The following PRDM5 variants were observed in gnomAD, a reference collection of about 807,000 sequenced individuals.
The protein encoded by PRDM5 is PR domain zinc finger protein 5.
Under a neutral mutation model 81.2 loss-of-function variants are expected in PRDM5, and 56 were observed. The ratio of observed to expected loss-of-function variants is 0.69; its 90% CI spans 0.56 to 0.86. The LOEUF (loss-of-function observed/expected upper bound fraction) is 0.86. Ranked by LOEUF, PRDM5 falls within the 40% of genes least tolerant of loss-of-function variation. The probability of loss-of-function intolerance (pLI) is 0.00; values close to 1 mark genes in which losing one functional copy is unlikely to be tolerated. For synonymous variants in PRDM5, 267 were observed against 256.4 expected, an observed-to-expected ratio of 1.04 and a Z score of -0.39; for missense variants, 697 against 770.1, an observed-to-expected ratio of 0.91 and a Z score of 1.12.
intron 14 of PRDM5, among the ~76,000 whole-genome samples, chr4:120,719,353 A>C (rs758566113): frequency 2.0e-5 from 3 of 152,226 alleles, no homozygotes; most frequent in Non-Finnish European, 4.4e-5. Flanking sequence ...ATTAAAAACG[A>C]ATTACTAGAA....
intron 2 of PRDM5, among the ~76,000 whole-genome samples, chr4:120,902,659 G>A (rs1765348191): frequency 6.6e-6 from 1 of 152,138 alleles, no homozygotes; most frequent in South Asian, 2.1e-4. Context: ...GAGTTCTTCT[G>A]CTTAAGCACT....
intron 3 of PRDM5, among the ~76,000 whole-genome samples, chr4:120,840,738 C>T (rs185620066): frequency 4.6e-5 from 7 of 152,330 alleles, no homozygotes; most frequent in African/African-American, 1.2e-4. Context: ...GCCTGACAGG[C>T]GACCCAGCCC....
intron 2 of PRDM5, among the ~76,000 whole-genome samples, chr4:120,864,334 T>C (rs1418403960): frequency 6.6e-6 from 1 of 152,230 alleles, no homozygotes; most frequent in Non-Finnish European, 1.5e-5. Context: ...ATAAAGTTGA[T>C]ATCTGATATC....
chr4:120,856,573 T>A (rs1339293870), intron 2 of PRDM5, among the ~76,000 whole-genome samples: 1 of 147,784 alleles, frequency 6.8e-6, no homozygotes, highest in African/African-American at 2.5e-5. Context: ...CTCACTACCC[T>A]AAACACAGAG....
chr4:120,685,266 A>G (rs1733788947), intron 1 of PRDM5, among the ~76,000 whole-genome samples: 1 of 152,092 alleles, frequency 6.6e-6, no homozygotes, highest in South Asian at 2.1e-4. Context: ...TTATAAAATC[A>G]AAGTTATTGA....
intron 14 of PRDM5, among the ~76,000 whole-genome samples, chr4:120,751,712 TG>T (rs1421824278): frequency 6.6e-6 from 1 of 152,206 alleles, no homozygotes; most frequent in African/African-American, 2.4e-5. Context: ...AATTGGATTT[TG>T]GCAAAATTAT....
At chr4:120,886,987 C>G (rs2148608367) in intron 2 of PRDM5, among the ~76,000 whole-genome samples, 1 of 151,256 alleles carries the variant, frequency 6.6e-6, no homozygotes. Context: ...ACTTTGTTGA[C>G]CAAGCTGGAG....
Position 120,694,138 on chromosome 4 carries a change from G to T in PRDM5, c.*973C>A, listed in dbSNP as rs898171638. ...GCAAAATGGAATGTTAATGTTCTGA[G>T]GACTGTATCTGCACTAACATGTTCT... On this transcript the variant is annotated 3_prime_UTR_variant, in exon 16 of 16. Transcript: ENST00000264808. The T allele has an allele frequency of 6.6e-6, 1 of 152,192 alleles. No individual in the cohort carries two copies. Among genetic ancestry groups the T allele is most frequent in the Admixed American group, 6.6e-5 (1 of 15,246 alleles). The allele number at this position is 152,192 out of a possible 1,614,324, so 9.4% of individuals were successfully genotyped here.
chr4:120,723,983 A>G (rs969278637), intron 14 of PRDM5, among the ~76,000 whole-genome samples: 4 of 135,202 alleles, frequency 3.0e-5, no homozygotes, highest in Non-Finnish European at 6.1e-5. Flanking sequence ...TTACCAATGG[A>G]ACATTCCTGA....
At chr4:120,800,285 G>A (rs1432075227) in intron 8 of PRDM5, among the ~76,000 whole-genome samples, 6 of 152,252 alleles carry the variant, frequency 3.9e-5, no homozygotes, top group African/African-American at 1.4e-4. Flanking sequence ...GGAGGCCAAG[G>A]CAAGAGGATT....
chr4:120,719,201 T>C (rs1738232315), intron 14 of PRDM5, among the ~76,000 whole-genome samples: 1 of 152,178 alleles, frequency 6.6e-6, no homozygotes, highest in Non-Finnish European at 1.5e-5. Context: ...CACCCAGTTG[T>C]GACAACCCAA....
intron 10 of PRDM5, among the ~76,000 whole-genome samples, chr4:120,792,427 A>G (rs1750710775): frequency 6.6e-6 from 1 of 152,214 alleles, no homozygotes; most frequent in Non-Finnish European, 1.5e-5. Context: ...GATATCTACT[A>G]AAACAGCAAG....
chr4:120,741,121 GC>G (rs997447686), intron 14 of PRDM5, among the ~76,000 whole-genome samples: 2 of 152,154 alleles, frequency 1.3e-5, no homozygotes, highest in Middle Eastern at 3.4e-3. Flanking sequence ...TGTTTCCTAA[GC>G]TTTTTATGCA....
intron 2 of PRDM5, among the ~76,000 whole-genome samples, chr4:120,858,965 A>G (rs1358088270): frequency 6.6e-6 from 1 of 152,172 alleles, no homozygotes; most frequent in Non-Finnish European, 1.5e-5. Flanking sequence ...GTTTCCTCTC[A>G]CTGAACTAAG....
rs193263848 is a variant in PRDM5, at chr4:120,767,923, G to A, written c.1537+9265C>T. ...CCCTGCACATGCTCTGTTGCCTGCC[G>A]CCATGTAAAATGTGACTTTGCTCCT... On this transcript the variant is annotated intron_variant, in intron 13 of 15. Transcript: ENST00000264808. Among the ~76,000 whole-genome samples the A allele has an allele frequency of 2.4e-4, 36 of 152,182 alleles. No homozygotes were observed. In the East Asian group the frequency reaches 3.3e-3, roughly 14 times the overall value.
At chr4:120,783,496 G>C (rs752437398) in intron 11 of PRDM5, among the ~76,000 whole-genome samples, 3 of 152,008 alleles carry the variant, frequency 2.0e-5, no homozygotes, top group Non-Finnish European at 1.5e-5. Context: ...GCTGTTATTA[G>C]AAATAAAATT....
At chr4:120,818,601 T>A in intron 4 of PRDM5, 74 bp from the exon 5 acceptor site, 1 of 1,244,166 alleles carries the variant, frequency 8.0e-7, no homozygotes. Flanking sequence ...TGCTCTCATT[T>A]TAAATTAATT....
At chr4:120,919,852 G>A (rs527593258) in intron 1 of PRDM5, among the ~76,000 whole-genome samples, 1 of 152,222 alleles carries the variant, frequency 6.6e-6, no homozygotes, top group South Asian at 2.1e-4. Flanking sequence ...AAATCACAAT[G>A]TGTAAAAGTA....
intron 8 of PRDM5, among the ~76,000 whole-genome samples, chr4:120,802,364 G>A (rs1051010260): frequency 2.0e-5 from 3 of 152,200 alleles, no homozygotes; most frequent in African/African-American, 7.2e-5. Flanking sequence ...TTCCAACTGA[G>A]GTACCGGGTT....
Sources: allele counts gnomAD v4.1 joint callset (sites outside exome capture counted in the v4.1 genomes callset), GRCh38; gene constraint gnomAD v4.1.1; transcripts MANE v1.5; gene names NCBI Gene and HGNC (gene_info 2026-07-23, HGNC 2026-07-21).